Variants in CLYBL observed in about 807,000 individuals in gnomAD.
The protein encoded by CLYBL is citramalyl-CoA lyase, also known as citramalyl-CoA lyase, mitochondrial.
In CLYBL, 31 loss-of-function variants were observed where a neutral mutation model predicts 38.9. The ratio of observed to expected loss-of-function variants is 0.80; its 90% CI spans 0.60 to 1.08. The LOEUF (loss-of-function observed/expected upper bound fraction) is 1.08. Among genes scored for constraint, CLYBL ranks in the 50% least tolerant of loss-of-function variants. The pLI is 0.00. For missense variants in CLYBL, 434 were observed against 411.6 expected (o/e 1.05, Z -0.47); for synonymous variants, 171 against 158.6 (o/e 1.08, Z -0.59).
intron 7 of CLYBL, among the ~76,000 whole-genome samples, chr13:99,879,419 A>G (rs1367221474): frequency 6.6e-6 from 1 of 152,180 alleles, no homozygotes; most frequent in Non-Finnish European, 1.5e-5. Flanking sequence ...TTTCTGGTCC[A>G]TCATCTGCTG....
At chr13:99,630,005 G>A (rs2139229878) in intron 1 of CLYBL, among the ~76,000 whole-genome samples, 1 of 152,280 alleles carries the variant, frequency 6.6e-6, no homozygotes, top group Admixed American at 6.5e-5. Flanking sequence ...AAGAGGCTCT[G>A]CTCACCCCTG....
In CLYBL at chr13:99,755,750, C is replaced by T. The variant is rs149690499; in HGVS notation, c.63-17074C>T. Among the ~76,000 whole-genome samples, 49 of 152,302 alleles carry T rather than the reference C, an allele frequency of 3.2e-4. No homozygotes were observed. In the East Asian group the frequency reaches 9.1e-3, roughly 28 times the overall value. Reference sequence around the variant, plus strand: ...CCAGAGGGTGAGTGGGAAGTTGGCACACCCCCTCAGTTTGGACATTCCCAT... The same window carrying T: ...CCAGAGGGTGAGTGGGAAGTTGGCATACCCCCTCAGTTTGGACATTCCCAT... On this transcript the variant is annotated intron_variant, in intron 1 of 8. Coordinates refer to ENST00000339105, the MANE Select transcript of CLYBL (RefSeq NM_206808.5).
intron 2 of CLYBL, among the ~76,000 whole-genome samples, chr13:99,828,764 A>G (rs1188309932): frequency 6.6e-6 from 1 of 152,174 alleles, no homozygotes; most frequent in African/African-American, 2.4e-5. Flanking sequence ...GGAATTTAGA[A>G]AGCCTTTTCA....
chr13:99,739,670 G>T (rs980049236), intron 1 of CLYBL, among the ~76,000 whole-genome samples: 1 of 152,180 alleles, frequency 6.6e-6, no homozygotes, highest in Non-Finnish European at 1.5e-5. Flanking sequence ...TAATTTCCAT[G>T]CCCTAGAAGA....
intron 1 of CLYBL, among the ~76,000 whole-genome samples, chr13:99,705,712 C>T (rs995124236): frequency 1.3e-5 from 2 of 151,924 alleles, no homozygotes; most frequent in Admixed American, 6.6e-5. Context: ...GTCAAATTCA[C>T]AGCACAGAAA....
intron 2 of CLYBL, among the ~76,000 whole-genome samples, chr13:99,844,769 G>C (rs1327838848): frequency 6.6e-6 from 1 of 152,168 alleles, no homozygotes; most frequent in South Asian, 2.1e-4. Flanking sequence ...CAGCCACAAA[G>C]CTCGGCTTTT....
chr13:99,900,041 C>A (rs2052623983), downstream of CLYBL, among the ~76,000 whole-genome samples: 1 of 152,136 alleles, frequency 6.6e-6, no homozygotes, highest in African/African-American at 2.4e-5. Flanking sequence ...ATTCTCCTGC[C>A]TCAGCCTCCT....
intron 2 of CLYBL, among the ~76,000 whole-genome samples, chr13:99,855,417 T>C (rs1036163576): frequency 1.3e-5 from 2 of 152,034 alleles, no homozygotes; most frequent in Non-Finnish European, 2.9e-5. Flanking sequence ...AGAGCTGGGG[T>C]CAGCCAGGCA....
intron 1 of CLYBL, among the ~76,000 whole-genome samples, chr13:99,608,847 CTTTTTTTT>C (rs57961216): frequency 2.3e-5 from 2 of 87,876 alleles, no homozygotes; most frequent in East Asian, 6.2e-4. Flanking sequence ...AGTGATGAGT[CTTTTTTTT>C]TTTTTTTTTT....
chr13:99,649,291 C>T (rs2047218250), intron 1 of CLYBL, among the ~76,000 whole-genome samples: 1 of 152,098 alleles, frequency 6.6e-6, no homozygotes, highest in Non-Finnish European at 1.5e-5. Context: ...GTTATTCATG[C>T]CAGCTCGCTT....
intron 1 of CLYBL, among the ~76,000 whole-genome samples, chr13:99,647,575 AAGC>A (rs1311392626): frequency 6.6e-6 from 1 of 152,218 alleles, no homozygotes; most frequent in Non-Finnish European, 1.5e-5. Flanking sequence ...CAGAGAAAGA[AAGC>A]AGAGAAGATT....
intron 3 of CLYBL, among the ~76,000 whole-genome samples, chr13:99,860,565 C>A (rs528921440): frequency 6.6e-6 from 1 of 152,220 alleles, no homozygotes; most frequent in Non-Finnish European, 1.5e-5. Flanking sequence ...TCTGAAGTCA[C>A]TGTTCCCTTT....
chr13:99,711,284 C>A (rs545646850), intron 1 of CLYBL, among the ~76,000 whole-genome samples: 140 of 152,178 alleles, frequency 9.2e-4, no homozygotes, highest in African/African-American at 3.2e-3. Flanking sequence ...CTTGGAGGTC[C>A]AAGATCAGGC....
Position 99,866,320 on chromosome 13 carries a change from C to T in CLYBL, c.715C>T (p.Gln239Ter). Residue 239 changes from glutamine (Q) to a stop codon, truncating the protein, a stop_gained, in exon 6 of 9, where the codon CAA (glutamine) becomes TAA (stop). Transcript: ENST00000339105. LOFTEE classifies it high-confidence loss of function. ...IVVIAKAFGL[Q>*]AIDLVYIDFR... ...TGTCATAGCGAAAGCCTTTGGTCTC[C>T]AAGCCATAGATCTGGTGTACATTGA... 2 of 1,614,088 alleles carry T rather than the reference C, an allele frequency of 1.2e-6. No homozygotes were observed. The highest frequency in any genetic ancestry group is 1.7e-6 in the Non-Finnish European group (2 of 1,180,020).
chr13:99,730,329 A>G (rs2048565603), intron 1 of CLYBL, among the ~76,000 whole-genome samples: 1 of 152,244 alleles, frequency 6.6e-6, no homozygotes, highest in Non-Finnish European at 1.5e-5. Context: ...CTGCAAGTGC[A>G]CTGAGGACCT....
chr13:99,639,259 CG>C (rs2047062328), intron 1 of CLYBL, among the ~76,000 whole-genome samples: 1 of 152,154 alleles, frequency 6.6e-6, no homozygotes, highest in Non-Finnish European at 1.5e-5. Context: ...CCAGGCAAGC[CG>C]GGGCTTGTGG....
chr13:99,876,289 C>T (rs1356039574), intron 7 of CLYBL, among the ~76,000 whole-genome samples: 1 of 150,970 alleles, frequency 6.6e-6, no homozygotes, highest in Non-Finnish European at 1.5e-5. Flanking sequence ...GGTGTGGTAG[C>T]GGGTGACTGT....
chr13:99,870,807 C>T, intron 6 of CLYBL, 131 bp from the exon 7 acceptor site: 1 of 849,920 alleles, frequency 1.2e-6, no homozygotes, highest in Non-Finnish European at 1.8e-6. Flanking sequence ...TTTGTTTACT[C>T]AATAAAAAGT....
chr13:99,826,432 G>A (rs1320277025), intron 2 of CLYBL, among the ~76,000 whole-genome samples: 2 of 152,172 alleles, frequency 1.3e-5, no homozygotes, highest in Admixed American at 6.5e-5. Context: ...GTCTATCTAT[G>A]TATCTGTGTA....
Sources: allele counts gnomAD v4.1 joint callset (sites outside exome capture counted in the v4.1 genomes callset), GRCh38; gene constraint gnomAD v4.1.1; transcripts MANE v1.5; gene names NCBI Gene and HGNC (gene_info 2026-07-23, HGNC 2026-07-21).